MYO5C: variants seen among roughly 807,000 people sequenced by gnomAD.
MYO5C encodes the protein unconventional myosin-Vc.
MYO5C carries 194 observed loss-of-function variants against 235.7 expected under a neutral mutation model. That is an observed-to-expected ratio of 0.82 (90% CI 0.73 to 0.93). The LOEUF (loss-of-function observed/expected upper bound fraction) is 0.93, where lower values mean the gene tolerates loss of function less well. Ranked by LOEUF, MYO5C falls within the 40% of genes least tolerant of loss-of-function variation. The pLI, the probability that MYO5C is intolerant of heterozygous loss-of-function variation, is 0.00. For missense variants in MYO5C, 2,038 were observed against 2,127.2 expected (o/e 0.96, Z 0.82); for synonymous variants, 707 against 754.8 (o/e 0.94, Z 1.04).
intron 10 of MYO5C, 74 bp from the exon 11 acceptor site, chr15:52,256,794 A>G: frequency 8.3e-7 from 1 of 1,206,032 alleles, no homozygotes; most frequent in Non-Finnish European, 1.2e-6. Context: ...ATATTTTTTG[A>G]CACTTAAAAG....
chr15:52,283,128 G>T (rs1373466605), intron 1 of MYO5C, among the ~76,000 whole-genome samples: 1 of 152,172 alleles, frequency 6.6e-6, no homozygotes, highest in Non-Finnish European at 1.5e-5. Flanking sequence ...CTTGAACGCT[G>T]AAAGCCTGTA....
In MYO5C at chr15:52,215,540, C is replaced by T. The variant is rs114284373; in HGVS notation, c.3955-850G>A. Among the ~76,000 whole-genome samples the T allele has an allele frequency of 3.2e-3, 491 of 152,296 alleles. 3 individuals are homozygous for T. Among genetic ancestry groups the T allele is most frequent in the African/African-American group, 0.012 (478 of 41,552 alleles). On this transcript the variant is annotated intron_variant, in intron 32 of 40. Coordinates refer to ENST00000261839, the MANE Select transcript of MYO5C (RefSeq NM_018728.4). ...GTGCTGTTTCTACTCTGTGCGGCCA[C>T]CTCTCTCCCTGCCACCATTCTGTGT... is the stretch of plus-strand genomic sequence containing the variant.
chr15:52,217,839 C>T (rs996511403), intron 32 of MYO5C, among the ~76,000 whole-genome samples: 2 of 152,136 alleles, frequency 1.3e-5, no homozygotes, highest in Non-Finnish European at 2.9e-5. Flanking sequence ...AGCCCTCCTG[C>T]GTTACCCTCT....
At chr15:52,225,261 A>G in intron 26 of MYO5C, 123 bp from the exon 27 acceptor site, 2 of 1,180,562 alleles carry the variant, frequency 1.7e-6, no homozygotes, top group East Asian at 2.5e-5. Context: ...CCAGCTATCC[A>G]ATCAACCAAC....
At chr15:52,270,037 C>G (rs1037525663) in intron 7 of MYO5C, among the ~76,000 whole-genome samples, 177 bp from the exon 8 acceptor site, 3 of 152,148 alleles carry the variant, frequency 2.0e-5, no homozygotes, top group African/African-American at 7.2e-5. Context: ...TGCCTGTAAT[C>G]CCAGCACTTT....
At chr15:52,273,175 T>C (rs1427220771) in intron 5 of MYO5C, among the ~76,000 whole-genome samples, 1 of 151,938 alleles carries the variant, frequency 6.6e-6, no homozygotes, top group Non-Finnish European at 1.5e-5. Flanking sequence ...AAAAAAAAAT[T>C]AGACAGGCAT....
At position 52,245,952 on chromosome 15, in the gene MYO5C, A is replaced by G. The variant is rs374947442; in HGVS notation, c.2066+4T>C. On this transcript the variant is annotated splice_donor_region_variant and intron_variant, in intron 17 of 40. Coordinates refer to ENST00000261839, the MANE Select transcript of MYO5C (RefSeq NM_018728.4). ...TCCCTCCAAGACAAGGACGGACAAC[A>G]TACCTGGAAGGGTAGCTCTGTGCAC... 4.3e-6 allele frequency: 7 copies of G among 1,613,552 alleles called. No homozygotes were observed. Among genetic ancestry groups the G allele is most frequent in the Non-Finnish European group, 5.9e-6 (7 of 1,179,550 alleles).
In MYO5C at chr15:52,272,794, T is replaced by C; in HGVS notation, c.607-71A>G. 9.8e-6 allele frequency: 15 copies of C among 1,531,800 alleles called. No individual in the cohort carries two copies. The South Asian group carries it at 1.6e-4, about 17-fold the overall frequency. The allele number at this position is 1,531,800 out of a possible 1,614,324, so 94.9% of individuals were successfully genotyped here. ...TTGCCTCAAAATTATTGGAGGGGTT[T>C]TTAGTAAAAGGCAATCCTGTACCCT... On this transcript the variant is annotated intron_variant, in intron 5 of 40. Transcript: ENST00000261839.
chr15:52,279,594 C>G lies in MYO5C; in HGVS notation c.219G>C (p.Thr73=), dbSNP rs138613191. 1.9e-6 allele frequency: 3 copies of G among 1,614,030 alleles called. No individual in the cohort carries two copies. Among genetic ancestry groups the G allele is most frequent in the East Asian group, 4.5e-5 (2 of 44,884 alleles). ...CGGGCTCGTGAAGATAGCTGAGAGC[C>G]GTGAGGTCATTCTCGCCCACGAGGA... The part of the protein sequence containing the change: ...PDILVGENDL[T]ALSYLHEPAV... The change falls in exon 3 of 41, where the codon ACG becomes ACC. Residue 73 remains threonine, a synonymous_variant. Transcript: ENST00000261839.
At chr15:52,229,379 C>G (rs2141297991) in intron 24 of MYO5C, 66 bp from the exon 25 acceptor site, 1 of 1,494,102 alleles carries the variant, frequency 6.7e-7, no homozygotes, top group East Asian at 2.3e-5. Context: ...AATCCCAGCA[C>G]TTTGGGAGGC....
chr15:52,291,140 T>C (rs2037379784), intron 1 of MYO5C, among the ~76,000 whole-genome samples: 1 of 152,178 alleles, frequency 6.6e-6, no homozygotes, highest in African/African-American at 2.4e-5. Context: ...ACTAACATAA[T>C]GCCAGGATAC....
chr15:52,195,598 C>A (rs2035029445), intron 39 of MYO5C, 141 bp from the exon 40 acceptor site: 2 of 482,712 alleles, frequency 4.1e-6, no homozygotes, highest in Non-Finnish European at 3.6e-6. Flanking sequence ...CTGTATGTTA[C>A]CTATTTCCAA....
At position 52,239,798 on chromosome 15, in the gene MYO5C, G is replaced by A. The variant is rs376459947; in HGVS notation, c.2638C>T (p.Arg880Ter). The A allele has an allele frequency of 1.1e-5, 17 of 1,613,590 alleles. No individual in the cohort carries two copies. The African/African-American group carries it at 1.1e-4, about 10-fold the overall frequency. The change falls in exon 21 of 41, where the codon CGA becomes TGA. Residue 880 changes from arginine (R) to a stop codon, truncating the protein, a stop_gained. Transcript: ENST00000261839. LOFTEE classifies it high-confidence loss of function. Reference sequence around the variant, plus strand: ...GTAAGCTGAATATTAAGCACGAATCGTCGGATACTCTGGAATCTGCGTCTG... The same window carrying A: ...GTAAGCTGAATATTAAGCACGAATCATCGGATACTCTGGAATCTGCGTCTG... Reference protein sequence around the residue: ...LARRRFQSIRRFVLNIQLTYR... With the variant: ...LARRRFQSIR
chr15:52,237,693 A>G, intron 21 of MYO5C, 47 bp from the exon 22 acceptor site: 1 of 1,557,700 alleles, frequency 6.4e-7, no homozygotes, highest in Admixed American at 1.9e-5. Flanking sequence ...CCAAACAAAG[A>G]TGCTGTTCCA....
At chr15:52,286,529 T>C (rs1180609774) in intron 1 of MYO5C, among the ~76,000 whole-genome samples, 1 of 152,076 alleles carries the variant, frequency 6.6e-6, no homozygotes, top group African/African-American at 2.4e-5. Flanking sequence ...GATTGAGAAA[T>C]CGGATGGTTG....
At chr15:52,266,226 G>A (rs985193139) in intron 8 of MYO5C, among the ~76,000 whole-genome samples, 1 of 144,772 alleles carries the variant, frequency 6.9e-6, no homozygotes, top group Non-Finnish European at 1.5e-5. Flanking sequence ...TAGTGAGCCT[G>A]TCACACAAAA....
At chr15:52,235,878 C>G in intron 22 of MYO5C, 115 bp from the exon 23 acceptor site, 1 of 670,160 alleles carries the variant, frequency 1.5e-6, no homozygotes, top group Non-Finnish European at 2.5e-6. Context: ...TTTTTCTCAG[C>G]TCCTGTCTAT....
At chr15:52,218,399 G>T in intron 32 of MYO5C, 120 bp downstream of exon 32, 1 of 1,020,652 alleles carries the variant, frequency 9.8e-7, no homozygotes, top group Non-Finnish European at 1.4e-6. Context: ...AAAACAGACT[G>T]CTCTGATGGA....
chr15:52,227,195 TTTTTTTTTTTTTTTG>T (rs1661331084), intron 25 of MYO5C, among the ~76,000 whole-genome samples: 1 of 106,232 alleles, frequency 9.4e-6, no homozygotes, highest in African/African-American at 4.3e-5. Context: ...GAGTAATTTT[TTTTTTTTTTTTTTTG>T]TTGAGACGGA....
Sources: allele counts gnomAD v4.1 joint callset (sites outside exome capture counted in the v4.1 genomes callset), GRCh38; gene constraint gnomAD v4.1.1; transcripts MANE v1.5; gene names NCBI Gene and HGNC (gene_info 2026-07-23, HGNC 2026-07-21).